The following PPFIA2 variants were observed in gnomAD, a reference collection of about 807,000 sequenced individuals.
The protein encoded by PPFIA2 is liprin-alpha-2.
Under a neutral mutation model 175.5 loss-of-function variants are expected in PPFIA2, and 46 were observed. That is an observed-to-expected ratio of 0.26 (90% CI 0.21 to 0.34). PPFIA2 has a LOEUF of 0.34. PPFIA2 is among the 10% of genes least tolerant of loss of function. The pLI is 1.00. For missense variants in PPFIA2, 1,179 were observed against 1,506.1 expected, an observed-to-expected ratio of 0.78 and a Z score of 3.60; for synonymous variants, 568 against 511.4, an observed-to-expected ratio of 1.11 and a Z score of -1.49.
intron 8 of PPFIA2, among the ~76,000 whole-genome samples, chr12:81,396,037 T>C (rs73356621): frequency 0.03 from 4,583 of 152,100 alleles, 216 homozygotes; most frequent in African/African-American, 0.1. Flanking sequence ...TCAGCAAACC[T>C]TTAGAGGGTG....
chr12:81,701,881 C>T (rs1215124666), intron 3 of PPFIA2, among the ~76,000 whole-genome samples: 1 of 144,702 alleles, frequency 6.9e-6, no homozygotes, highest in East Asian at 2.0e-4. Flanking sequence ...TTAAATCAAC[C>T]CATAAGAGTA....
At chr12:81,462,615 C>T (rs542526168) in intron 4 of PPFIA2, among the ~76,000 whole-genome samples, 38 of 112,816 alleles carry the variant, frequency 3.4e-4, no homozygotes, top group Middle Eastern at 5.7e-3. Context: ...TATAATATAG[C>T]GATTACCTGG....
intron 4 of PPFIA2, among the ~76,000 whole-genome samples, chr12:81,489,311 A>G (rs1293807596): frequency 6.6e-6 from 1 of 151,722 alleles, no homozygotes; most frequent in Non-Finnish European, 1.5e-5. Context: ...TTCATAATAG[A>G]TCATTATTTT....
Position 81,321,055 on chromosome 12 carries a change from C to CAGAGAGAGAGAGAG in PPFIA2, c.2642+4708_2642+4721dup, listed in dbSNP as rs376416224. 4.7e-3 allele frequency among the ~76,000 whole-genome samples: 696 copies of CAGAGAGAGAGAGAG among 148,736 alleles called. 4 individuals are homozygous for CAGAGAGAGAGAGAG. Among genetic ancestry groups the CAGAGAGAGAGAGAG allele is most frequent in the Non-Finnish European group, 7.3e-3 (490 of 67,086 alleles). On this transcript the variant is annotated intron_variant, in intron 22 of 32. Coordinates refer to ENST00000549396, the MANE Select transcript of PPFIA2 (RefSeq NM_003625.5). The stretch of plus-strand genomic sequence containing the variant: ...ATAAAGCAAAAATAAATAAATAAAA[C>CAGAGAGAGAGAGAG]AGAGAGAGAGAGAGAGAGGAAAAAG...
chr12:81,678,181 A>G (rs1246214039), intron 3 of PPFIA2, among the ~76,000 whole-genome samples: 1 of 151,840 alleles, frequency 6.6e-6, no homozygotes, highest in Non-Finnish European at 1.5e-5. Context: ...AGAGGGGGGA[A>G]TATAGTTGCA....
At chr12:81,674,672 A>AT (rs200690406) in intron 4 of PPFIA2, among the ~76,000 whole-genome samples, 3,390 of 152,074 alleles carry the variant, frequency 0.022, 52 homozygotes, top group South Asian at 0.065. Flanking sequence ...GTCTCAAAAA[A>AT]ATTTTTTTTT....
At chr12:81,450,375 T>C (rs1183394716) in intron 5 of PPFIA2, among the ~76,000 whole-genome samples, 1 of 152,236 alleles carries the variant, frequency 6.6e-6, no homozygotes, top group East Asian at 1.9e-4. Flanking sequence ...TTGATTTGCA[T>C]TCCTCTGATG....
chr12:81,380,851 A>AC (rs1379077808), intron 9 of PPFIA2, among the ~76,000 whole-genome samples: 1 of 151,990 alleles, frequency 6.6e-6, no homozygotes, highest in Non-Finnish European at 1.5e-5. Context: ...CATGTAATAC[A>AC]CCCGTAATAG....
rs926028372 is a variant in PPFIA2 at position 81,683,345 on chromosome 12, A to C, written c.250-6501T>G. On this transcript the variant is annotated intron_variant, in intron 3 of 32. Coordinates refer to ENST00000549396, the MANE Select transcript of PPFIA2 (RefSeq NM_003625.5). ...TAATATCTATCACATAAACTGAAAA[A>C]AATAATATATATATATATATAGCTT... is the stretch of plus-strand genomic sequence containing the variant. 7.6e-5 allele frequency among the ~76,000 whole-genome samples: 3 copies of C among 39,728 alleles called. No homozygotes were observed. In the Admixed American group the frequency reaches 1.0e-3, roughly 13 times the overall value. The allele number at this position is 39,728 out of a possible 152,430, so 26.1% of individuals were successfully genotyped here.
At chr12:81,755,537 T>C (rs2084502975) in intron 2 of PPFIA2, among the ~76,000 whole-genome samples, 1 of 152,192 alleles carries the variant, frequency 6.6e-6, no homozygotes, top group South Asian at 2.1e-4. Context: ...ATTTAACAGC[T>C]CAATATTTAA....
At chr12:81,344,787 G>T in intron 18 of PPFIA2, 94 bp from the exon 19 acceptor site, 2 of 850,234 alleles carry the variant, frequency 2.4e-6, no homozygotes, top group Admixed American at 2.9e-5. Flanking sequence ...TCTACAACTT[G>T]ACTATCATTT....
intron 3 of PPFIA2, among the ~76,000 whole-genome samples, chr12:81,685,193 A>G (rs958258459): frequency 6.6e-6 from 1 of 152,010 alleles, no homozygotes; most frequent in African/African-American, 2.4e-5. Context: ...AATGGAAACA[A>G]CCTTTCATCA....
chr12:81,399,364 T>C (rs2041748478), intron 8 of PPFIA2, among the ~76,000 whole-genome samples: 1 of 150,630 alleles, frequency 6.6e-6, no homozygotes, highest in Non-Finnish European at 1.5e-5. Flanking sequence ...TACTTCTTAC[T>C]GAAGACAGCA....
At chr12:81,604,294 A>C (rs1025672862) in intron 4 of PPFIA2, among the ~76,000 whole-genome samples, 1 of 151,754 alleles carries the variant, frequency 6.6e-6, no homozygotes, top group Non-Finnish European at 1.5e-5. Context: ...ATTTCAGGAC[A>C]TAAGAGGTAA....
intron 24 of PPFIA2, 26 bp from the exon 25 acceptor site, chr12:81,284,329 A>G: frequency 6.6e-7 from 1 of 1,521,134 alleles, no homozygotes; most frequent in Non-Finnish European, 9.1e-7. Flanking sequence ...AGAGGGAAGC[A>G]GAGGAATCCA....
At chr12:81,755,101 A>G (rs753486591) in intron 2 of PPFIA2, among the ~76,000 whole-genome samples, 17 of 152,332 alleles carry the variant, frequency 1.1e-4, no homozygotes, top group Non-Finnish European at 2.2e-4. Context: ...GTCATAAATT[A>G]TATTAGCTAA....
At chr12:81,687,615 G>T (rs1188150831) in intron 3 of PPFIA2, 1 of 151,964 alleles carries the variant, frequency 6.6e-6, no homozygotes, top group Non-Finnish European at 1.5e-5. Context: ...TGCAAAAATA[G>T]ACAGCTTAGT....
At chr12:81,526,916 T>A (rs1488208387) in intron 4 of PPFIA2, among the ~76,000 whole-genome samples, 2 of 151,852 alleles carry the variant, frequency 1.3e-5, no homozygotes, top group African/African-American at 4.9e-5. Context: ...GCTGAAGGTA[T>A]GACCTAAAAG....
chr12:81,743,357 C>G (rs2082569803), intron 3 of PPFIA2, among the ~76,000 whole-genome samples: 1 of 119,762 alleles, frequency 8.3e-6, no homozygotes, highest in African/African-American at 3.2e-5. Context: ...GTGGAGGTTG[C>G]AGTGAGCCGA....
Sources: gnomAD v4.1 joint callset for allele counts (sites outside exome capture counted in the v4.1 genomes callset) on GRCh38, gnomAD v4.1.1 for gene constraint, MANE v1.5 for transcripts, NCBI Gene and HGNC (gene_info 2026-07-23, HGNC 2026-07-21) for gene names.